MRPS21: variants seen among roughly 807,000 people sequenced by gnomAD.
The protein encoded by MRPS21 is mitochondrial ribosomal protein S21.
MRPS21 carries 8 observed loss-of-function variants against 9.9 expected under a neutral mutation model. The observed-to-expected ratio is 0.81, with a 90% CI of 0.47 to 1.45. MRPS21 has a LOEUF of 1.45. MRPS21 is among the 40% of genes most tolerant of loss of function. The pLI is 0.00. For missense variants in MRPS21, 101 were observed against 118.9 expected, an observed-to-expected ratio of 0.85 and a Z score of 0.70; for synonymous variants, 40 against 40.3, an observed-to-expected ratio of 0.99 and a Z score of 0.03.
chr1:150,300,037 A>T (rs1175019120), intron 2 of MRPS21, among the ~76,000 whole-genome samples: 2 of 152,092 alleles, frequency 1.3e-5, no homozygotes, highest in African/African-American at 4.8e-5. Context: ...ATTGAAAATT[A>T]TTATAATAGA....
intron 2 of MRPS21, among the ~76,000 whole-genome samples, chr1:150,303,264 G>T (rs782607932): frequency 2.0e-5 from 3 of 152,044 alleles, no homozygotes; most frequent in Non-Finnish European, 4.4e-5. Flanking sequence ...CTCAAATCCA[G>T]TCTCCTTGTA....
chr1:150,306,983 AC>A (rs1440662429), intron 2 of MRPS21, among the ~76,000 whole-genome samples: 3 of 152,068 alleles, frequency 2.0e-5, no homozygotes, highest in Admixed American at 6.6e-5. Context: ...AGATTTGAGA[AC>A]ATAACTTTGA....
In MRPS21 at chr1:150,308,212, C is replaced by A; in HGVS notation, c.248C>A (p.Pro83Gln). ...TTGATGCGAAAGAATCGGGCAGATCCGTGGCAGGGCTGCTGAGGCCTGTGG... is the reference window on the plus strand; with the variant it reads ...TTGATGCGAAAGAATCGGGCAGATCAGTGGCAGGGCTGCTGAGGCCTGTGG... ...NFLMRKNRAD[P>Q]WQGC Residue 83 changes from proline to glutamine, a missense_variant, in exon 3 of 3, where the codon CCG becomes CAG. Physicochemically the swap from Pro to Gln is moderately conservative, Grantham distance 76. Coordinates refer to ENST00000614145, the MANE Select transcript of MRPS21 (RefSeq NM_031901.6). 6.3e-7 allele frequency: 1 copy of A among 1,596,412 alleles called. No homozygotes were observed. The highest frequency in any genetic ancestry group is 8.6e-7 in the Non-Finnish European group (1 of 1,165,214).
intron 2 of MRPS21, among the ~76,000 whole-genome samples, chr1:150,296,191 A>C (rs1572143026): frequency 1.3e-5 from 2 of 151,984 alleles, no homozygotes; most frequent in East Asian, 1.9e-4. Context: ...CTCGTGATCC[A>C]CCCGCCTTGG....
chr1:150,301,763 G>C (rs1353091489), intron 2 of MRPS21, among the ~76,000 whole-genome samples: 1 of 151,834 alleles, frequency 6.6e-6, no homozygotes, highest in Non-Finnish European at 1.5e-5. Context: ...CTGCCACCAC[G>C]TCCGGCTAAT....
Position 150,308,650 on chromosome 1 carries a change from G to C in MRPS21, c.*422G>C, listed in dbSNP as rs1654444700. On this transcript the variant is annotated 3_prime_UTR_variant, in exon 3 of 3. Transcript: ENST00000614145. ...AGTTTGAGACCAGCTTGGCCAATGT[G>C]GTGAAACCCCATCTCTACTAAAAAT... 1 of 147,290 alleles carries C rather than the reference G, an allele frequency of 6.8e-6. No homozygotes were observed. Among genetic ancestry groups the C allele is most frequent in the African/African-American group, 2.6e-5 (1 of 39,126 alleles). 9.1% of individuals were successfully genotyped at this position (147,290 alleles called of 1,614,324 possible). A position where few individuals can be genotyped will look rare whatever the true frequency, so the allele number is the denominator to read the frequency against.
intron 2 of MRPS21, among the ~76,000 whole-genome samples, chr1:150,297,955 CAG>C (rs1382171679): frequency 3.4e-5 from 5 of 147,686 alleles, no homozygotes; most frequent in African/African-American, 1.3e-4. Flanking sequence ...TTTTTTGAGA[CAG>C]AGTTTCACTC....
At chr1:150,299,046 T>C (rs1218519413) in intron 2 of MRPS21, among the ~76,000 whole-genome samples, 1 of 152,060 alleles carries the variant, frequency 6.6e-6, no homozygotes, top group Non-Finnish European at 1.5e-5. Flanking sequence ...CGAAACCCCG[T>C]CTTTACTAAA....
chr1:150,299,441 GT>G (rs1227794678), intron 2 of MRPS21, among the ~76,000 whole-genome samples: 1 of 130,492 alleles, frequency 7.7e-6, no homozygotes, highest in Non-Finnish European at 1.6e-5. Context: ...TTTTTTTTCT[GT>G]TTTTTGTTTG....
chr1:150,297,702 TAATTC>T (rs1221637488), intron 2 of MRPS21, among the ~76,000 whole-genome samples: 1 of 152,078 alleles, frequency 6.6e-6, no homozygotes, highest in African/African-American at 2.4e-5. Context: ...CCACATCACT[TAATTC>T]TATGTGCATA....
intron 2 of MRPS21, among the ~76,000 whole-genome samples, chr1:150,298,790 C>T (rs994903074): frequency 3.9e-5 from 6 of 152,092 alleles, no homozygotes; most frequent in African/African-American, 9.6e-5. Flanking sequence ...TTAGTAGAGA[C>T]GGGGTTTCAC....
At chr1:150,300,969 G>C (rs587597835) in intron 2 of MRPS21, among the ~76,000 whole-genome samples, 1 of 151,912 alleles carries the variant, frequency 6.6e-6, no homozygotes, top group Non-Finnish European at 1.5e-5. Flanking sequence ...AGGCCGAGGC[G>C]GGTGGATCAT....
chr1:150,296,270 C>T (rs587746571), intron 2 of MRPS21, among the ~76,000 whole-genome samples: 1 of 152,164 alleles, frequency 6.6e-6, no homozygotes, highest in Non-Finnish European at 1.5e-5. Context: ...TACTTTACCA[C>T]TGAATTCTCA....
At chr1:150,294,583 C>A in intron 2 of MRPS21, 134 bp downstream of exon 2, 1 of 748,950 alleles carries the variant, frequency 1.3e-6, no homozygotes, top group Non-Finnish European at 2.2e-6. Flanking sequence ...AACGTCTCAG[C>A]CCCTCAGTTT....
chr1:150,294,963 C>T (rs1653861830), intron 2 of MRPS21, among the ~76,000 whole-genome samples: 1 of 151,060 alleles, frequency 6.6e-6, no homozygotes, highest in Non-Finnish European at 1.5e-5. Flanking sequence ...AGTAATCACC[C>T]CCCGCACCTC....
chr1:150,304,957 TG>T, intron 2 of MRPS21: 2 of 333,722 alleles, frequency 6.0e-6, no homozygotes, highest in Non-Finnish European at 1.2e-5. Context: ...GAGAATCGCT[TG>T]AACCCAGAAG....
At chr1:150,302,064 T>G (rs1371178670) in intron 2 of MRPS21, among the ~76,000 whole-genome samples, 2 of 152,200 alleles carry the variant, frequency 1.3e-5, no homozygotes, top group African/African-American at 4.8e-5. Context: ...GTCCTCTCTC[T>G]AGCCACTTTT....
intron 2 of MRPS21, among the ~76,000 whole-genome samples, chr1:150,307,250 A>G (rs1363088211): frequency 2.7e-5 from 4 of 146,384 alleles, no homozygotes; most frequent in East Asian, 2.1e-4. Flanking sequence ...GTTTCACCAT[A>G]TTGGTCAGGC....
intron 2 of MRPS21, among the ~76,000 whole-genome samples, chr1:150,297,303 G>GAGA (rs1553856740): frequency 6.6e-6 from 1 of 150,392 alleles, no homozygotes; most frequent in Non-Finnish European, 1.5e-5. Context: ...AAAAAAAAAA[G>GAGA]AAAAAATGCT....
Sources: gnomAD v4.1 joint callset for allele counts (sites outside exome capture counted in the v4.1 genomes callset) on GRCh38, gnomAD v4.1.1 for gene constraint, MANE v1.5 for transcripts, NCBI Gene and HGNC (gene_info 2026-07-23, HGNC 2026-07-21) for gene names.